Variants in ZNF407 observed in about 807,000 individuals in gnomAD.
ZNF407 encodes zinc finger protein 407.
Under a neutral mutation model 131.2 loss-of-function variants are expected in ZNF407, and 17 were observed. That is an observed-to-expected ratio of 0.13 (90% CI 0.09 to 0.19). ZNF407 has a LOEUF of 0.19. Among genes scored for constraint, ZNF407 ranks in the 10% least tolerant of loss-of-function variants. ZNF407 has a pLI of 1.00. For synonymous variants in ZNF407, 1,156 were observed against 1,062.0 expected (o/e 1.09, Z -1.72); for missense variants, 2,681 against 2,830.6 (o/e 0.95, Z 1.20).
chr18:74,872,565 C>T (rs1227138431), intron 4 of ZNF407, among the ~76,000 whole-genome samples: 1 of 151,678 alleles, frequency 6.6e-6, no homozygotes, highest in Non-Finnish European at 1.5e-5. Flanking sequence ...AGATGGAGAC[C>T]ATTGTGGCCA....
At chr18:74,788,574 A>G (rs1004725381) in intron 4 of ZNF407, among the ~76,000 whole-genome samples, 7 of 151,390 alleles carry the variant, frequency 4.6e-5, no homozygotes, top group African/African-American at 1.7e-4. Context: ...CTCTAGCTGT[A>G]TAAAAAATAC....
chr18:74,617,118 A>C (rs1983343340), intron 1 of ZNF407, among the ~76,000 whole-genome samples: 1 of 149,980 alleles, frequency 6.7e-6, no homozygotes, highest in African/African-American at 2.5e-5. Context: ...TCCACACACC[A>C]CACACATCCA....
chr18:74,711,632 T>C (rs1967765055), intron 3 of ZNF407, among the ~76,000 whole-genome samples: 1 of 152,190 alleles, frequency 6.6e-6, no homozygotes. Flanking sequence ...AATAAATATG[T>C]GTGTTTTACT....
rs771796463 is a variant in ZNF407, at chr18:75,063,407, G to A, written c.5686G>A (p.Ala1896Thr). The change falls in exon 9 of 9, where the codon GCC becomes ACC. Residue 1896 changes from alanine (A) to threonine (T), a missense_variant. Ala to Thr is a moderately conservative substitution (Grantham distance 58). Around this residue, in one of 6 missense-constraint regions of ZNF407, gnomAD observed 620 missense variants for 583.1 expected, o/e 1.06. Transcript: ENST00000299687. The surrounding 1 kb of genome is among the most constrained non-coding windows in gnomAD (Gnocchi z 6.6). The part of the protein sequence containing the change: ...AAATLQTLAM[A>T]GQVARVVHIT... Reference sequence around the variant, plus strand: ...CGCCACGCTGCAGACGCTGGCCATGGCCGGCCAGGTGGCCCGGGTGGTGCA... The same window carrying A: ...CGCCACGCTGCAGACGCTGGCCATGACCGGCCAGGTGGCCCGGGTGGTGCA... 8 of 1,610,814 alleles carry A rather than the reference G, an allele frequency of 5.0e-6. No homozygotes were observed. Among genetic ancestry groups the A allele is most frequent in the Non-Finnish European group, 6.8e-6 (8 of 1,178,982 alleles).
rs566720483 is a variant in ZNF407, at chr18:75,019,381, G to A, written c.5429-43769G>A. ...CTGGCAGTGCGACTTGAAAGTGTGC[G>A]CAGTGGTCCTCCTCCCCATATCCAT... On this transcript the variant is annotated intron_variant, in intron 8 of 8. Transcript: ENST00000299687. Among the ~76,000 whole-genome samples, 14 of 152,274 alleles carry A rather than the reference G, an allele frequency of 9.2e-5. No individual in the cohort carries two copies. The South Asian group carries it at 1.0e-3, about 11-fold the overall frequency.
intron 8 of ZNF407, among the ~76,000 whole-genome samples, chr18:75,041,989 T>G (rs971649844): frequency 2.6e-5 from 4 of 152,178 alleles, no homozygotes; most frequent in Admixed American, 1.3e-4. Flanking sequence ...TTTTTAGGTA[T>G]CTGATTGATA....
intron 8 of ZNF407, among the ~76,000 whole-genome samples, chr18:74,937,998 A>G (rs776304071): frequency 3.4e-4 from 51 of 152,176 alleles, no homozygotes; most frequent in Non-Finnish European, 3.4e-4. Context: ...TATTATCTGC[A>G]TAATGCTCAT....
chr18:75,006,113 A>G (rs530512336), intron 8 of ZNF407, among the ~76,000 whole-genome samples: 10 of 152,166 alleles, frequency 6.6e-5, no homozygotes. Context: ...TTCAGGGATC[A>G]GCCTCAGAAC....
chr18:74,777,018 GA>G (rs1969486994), intron 3 of ZNF407, among the ~76,000 whole-genome samples: 1 of 152,130 alleles, frequency 6.6e-6, no homozygotes, highest in Non-Finnish European at 1.5e-5. Context: ...AATCGTAGCA[GA>G]AGTGGACTTG....
intron 3 of ZNF407, among the ~76,000 whole-genome samples, chr18:74,651,167 A>T (rs1478405516): frequency 1.3e-5 from 2 of 152,210 alleles, no homozygotes; most frequent in African/African-American, 4.8e-5. Context: ...CACATTAAAA[A>T]TACCCTGTTT....
intron 8 of ZNF407, among the ~76,000 whole-genome samples, chr18:75,041,616 GCACGTGCACACACACACACA>G (rs549057604): frequency 0.016 from 2,101 of 134,160 alleles, 40 homozygotes; most frequent in African/African-American, 0.048. Flanking sequence ...GTGTGTGCAT[GCACGTGCACACACACACACA>G]CACACACACA....
At chr18:74,873,107 C>T (rs1028766550) in intron 4 of ZNF407, among the ~76,000 whole-genome samples, 7 of 151,926 alleles carry the variant, frequency 4.6e-5, no homozygotes, top group African/African-American at 1.7e-4. Context: ...TAGAAAAATG[C>T]TCTAACACAG....
At chr18:74,980,531 C>T (rs1176379048) in intron 8 of ZNF407, among the ~76,000 whole-genome samples, 1 of 152,046 alleles carries the variant, frequency 6.6e-6, no homozygotes, top group African/African-American at 2.4e-5. Context: ...TCTCGAATTC[C>T]TGACCTCTCA....
chr18:74,656,835 G>A (rs1208502837), intron 3 of ZNF407, among the ~76,000 whole-genome samples: 1 of 152,142 alleles, frequency 6.6e-6, no homozygotes, highest in African/African-American at 2.4e-5. Context: ...TAATCAGGCA[G>A]ATTAAAAAAT....
intron 4 of ZNF407, among the ~76,000 whole-genome samples, chr18:74,823,412 C>T (rs901725744): frequency 2.0e-5 from 3 of 152,172 alleles, no homozygotes; most frequent in Non-Finnish European, 4.4e-5. Flanking sequence ...AAAACACAGA[C>T]TGGCAAGTTG....
intron 8 of ZNF407, among the ~76,000 whole-genome samples, chr18:74,982,083 A>C (rs1972599350): frequency 2.0e-5 from 3 of 152,234 alleles, no homozygotes. Context: ...CTACCAATAC[A>C]GCAGGACACC....
intron 4 of ZNF407, among the ~76,000 whole-genome samples, chr18:74,859,178 G>A (rs527334031): frequency 1.3e-5 from 2 of 152,128 alleles, no homozygotes; most frequent in African/African-American, 2.4e-5. Flanking sequence ...GTCTGGGTAC[G>A]CATGTTGAAA....
Position 74,877,360 on chromosome 18 carries a change from A to T in ZNF407, c.5041A>T (p.Thr1681Ser), listed in dbSNP as rs1456748161. The change falls in exon 5 of 9, where the codon ACA (threonine) becomes TCA (serine). Residue 1681 changes from threonine (T) to serine (S), a missense_variant. Transcript: ENST00000299687. The part of the protein sequence containing the change: ...SAMKDHYRTH[T>S]GEKSFLCDLC... ...AATGAAAGACCACTACAGGACGCAC[A>T]CAGGTGTGCCGCGCCGCCTTCCTAT... The T allele has an allele frequency of 6.2e-7, 1 of 1,612,494 alleles. No homozygotes were observed. Among genetic ancestry groups the T allele is most frequent in the Non-Finnish European group, 8.5e-7 (1 of 1,179,572 alleles).
At position 74,632,765 on chromosome 18, in the gene ZNF407, G is replaced by A. The variant is rs775898707; in HGVS notation, c.1746G>A (p.Gln582=). 12 of 1,613,866 alleles carry A rather than the reference G, an allele frequency of 7.4e-6. No individual in the cohort carries two copies. In the East Asian group the frequency reaches 2.2e-4, roughly 30 times the overall value. ...AACATTTGCACAGTAACCAGCATCAGCAAACTGCTTCTGTCCTGAGTTGTC... is the reference window on the plus strand; with the variant it reads ...AACATTTGCACAGTAACCAGCATCAACAAACTGCTTCTGTCCTGAGTTGTC... The part of the protein sequence containing the change: ...LDEHLHSNQH[Q]QTASVLSCQC... The change falls in exon 2 of 9, where the codon CAG becomes CAA. Residue 582 remains glutamine, a synonymous_variant. Coordinates refer to ENST00000299687, the MANE Select transcript of ZNF407 (RefSeq NM_017757.3).
Sources: gnomAD v4.1 joint callset for allele counts (sites outside exome capture counted in the v4.1 genomes callset) on GRCh38, gnomAD v4.1.1 for gene constraint, gnomAD v4.1.1 regional missense constraint, Gnocchi (gnomAD v3.1) non-coding constraint, MANE v1.5 for transcripts, NCBI Gene and HGNC (gene_info 2026-07-23, HGNC 2026-07-21) for gene names.